ZNF804A: variants seen among roughly 807,000 people sequenced by gnomAD.
ZNF804A encodes the protein zinc finger protein 804A.
ZNF804A carries 2 observed loss-of-function variants against 16.5 expected under a neutral mutation model. The observed-to-expected ratio is 0.12, with a 90% confidence interval of 0.05 to 0.38. ZNF804A has a LOEUF of 0.38. Among genes scored for constraint, ZNF804A ranks in the 10% least tolerant of loss-of-function variants. The probability of loss-of-function intolerance (pLI) is 0.99; values close to 1 mark genes in which losing one functional copy is unlikely to be tolerated. For synonymous variants in ZNF804A, 534 were observed against 489.6 expected (o/e 1.09, Z -1.20); for missense variants, 1,473 against 1,390.7 (o/e 1.06, Z -0.94).
intron 1 of ZNF804A, among the ~76,000 whole-genome samples, chr2:184,800,621 T>A (rs1364748911): frequency 1.3e-5 from 2 of 151,730 alleles, no homozygotes; most frequent in African/African-American, 2.4e-5. Context: ...ACTTTTGTTT[T>A]AGTTTGAAAA....
intron 1 of ZNF804A, among the ~76,000 whole-genome samples, chr2:184,763,864 G>A (rs1259010865): frequency 6.6e-6 from 1 of 151,450 alleles, no homozygotes; most frequent in Non-Finnish European, 1.5e-5. Flanking sequence ...AGATAGCCTC[G>A]ATCTCCTGAC....
At chr2:184,819,350 C>A (rs145514329) in intron 1 of ZNF804A, among the ~76,000 whole-genome samples, 1,551 of 151,980 alleles carry the variant, frequency 0.01, 25 homozygotes, top group African/African-American at 0.036. Flanking sequence ...AGGCAGAAAT[C>A]AAGAAGTTCT....
intron 1 of ZNF804A, among the ~76,000 whole-genome samples, chr2:184,826,831 A>C (rs1253158199): frequency 3.5e-4 from 54 of 152,120 alleles, no homozygotes; most frequent in Non-Finnish European, 1.5e-5. Flanking sequence ...TAACAGCATT[A>C]AAAACAAATT....
chr2:184,705,702 TTCC>T, intron 1 of ZNF804A, among the ~76,000 whole-genome samples: 1 of 152,172 alleles, frequency 6.6e-6, no homozygotes, highest in African/African-American at 2.4e-5. Context: ...GAAAAACAAC[TTCC>T]TTTCACACAT....
intron 1 of ZNF804A, among the ~76,000 whole-genome samples, chr2:184,716,775 G>A (rs1291508529): frequency 6.6e-6 from 1 of 152,100 alleles, no homozygotes; most frequent in Non-Finnish European, 1.5e-5. Context: ...TAGTTGGTTT[G>A]TGTGTGTGTA....
At chr2:184,734,243 C>T (rs1693573745) in intron 1 of ZNF804A, among the ~76,000 whole-genome samples, 1 of 151,932 alleles carries the variant, frequency 6.6e-6, no homozygotes, top group African/African-American at 2.4e-5. Context: ...TTTCTATTTT[C>T]CTAAGGTGGA....
intron 1 of ZNF804A, among the ~76,000 whole-genome samples, chr2:184,604,120 T>TTTCAGG (rs1376373160): frequency 3.4e-5 from 5 of 146,152 alleles, no homozygotes; most frequent in African/African-American, 1.2e-4. Context: ...GCACCAATAG[T>TTTCAGG]TTCAGGTTAT....
At chr2:184,883,547 T>G (rs1033897001) in intron 2 of ZNF804A, among the ~76,000 whole-genome samples, 4 of 151,944 alleles carry the variant, frequency 2.6e-5, no homozygotes, top group African/African-American at 9.7e-5. Flanking sequence ...TCCTTTTGAA[T>G]AGATGCAAAA....
At chr2:184,663,028 C>T (rs1242341348) in intron 1 of ZNF804A, among the ~76,000 whole-genome samples, 1 of 152,178 alleles carries the variant, frequency 6.6e-6, no homozygotes, top group African/African-American at 2.4e-5. Flanking sequence ...GCAGCAGTGG[C>T]CCCTCTGGAG....
intron 1 of ZNF804A, among the ~76,000 whole-genome samples, chr2:184,735,992 T>A (rs1256333431): frequency 6.6e-6 from 1 of 152,194 alleles, no homozygotes; most frequent in Non-Finnish European, 1.5e-5. Flanking sequence ...CAATCTAATA[T>A]GAAATATAAG....
intron 1 of ZNF804A, among the ~76,000 whole-genome samples, chr2:184,636,540 G>A: frequency 1.1e-5 from 1 of 90,420 alleles, no homozygotes; most frequent in South Asian, 4.6e-4. Context: ...TGTGAGATTG[G>A]CTCTAGGGCT....
intron 1 of ZNF804A, among the ~76,000 whole-genome samples, chr2:184,767,451 G>A (rs1349275179): frequency 6.6e-6 from 1 of 152,098 alleles, no homozygotes; most frequent in Non-Finnish European, 1.5e-5. Context: ...GTGGAAGGGG[G>A]AAATGGAGAG....
intron 2 of ZNF804A, among the ~76,000 whole-genome samples, chr2:184,922,412 A>T (rs908762310): frequency 1.3e-5 from 2 of 151,926 alleles, no homozygotes; most frequent in African/African-American, 4.8e-5. Flanking sequence ...GGAAATGTCT[A>T]TTTAGATATT....
intron 1 of ZNF804A, among the ~76,000 whole-genome samples, chr2:184,759,251 T>C (rs151062014): frequency 8.3e-4 from 125 of 151,148 alleles, no homozygotes; most frequent in African/African-American, 2.5e-3. Flanking sequence ...TGTAAAAGAG[T>C]GCATTGTTAA....
chr2:184,755,058 CG>C (rs1357827528), intron 1 of ZNF804A, among the ~76,000 whole-genome samples: 2 of 151,714 alleles, frequency 1.3e-5, no homozygotes, highest in Non-Finnish European at 2.9e-5. Context: ...ATGAGATTTG[CG>C]TGGGGACAAA....
chr2:184,835,154 G>T (rs567156777), intron 1 of ZNF804A, among the ~76,000 whole-genome samples: 1 of 152,106 alleles, frequency 6.6e-6, no homozygotes, highest in African/African-American at 2.4e-5. Flanking sequence ...ATTGGGGTTT[G>T]TACTGGGAAG....
chr2:184,766,206 T>G lies in ZNF804A; in HGVS notation c.112-100163T>G, dbSNP rs192568226. On this transcript the variant is annotated intron_variant, in intron 1 of 3. Transcript: ENST00000302277. ...TGCTAAACACACCAAATTAATTCATTGCTAAATTATTATTTTTATGAATAA... is the reference window on the plus strand; with the variant it reads ...TGCTAAACACACCAAATTAATTCATGGCTAAATTATTATTTTTATGAATAA... 1.4e-3 allele frequency among the ~76,000 whole-genome samples: 219 copies of G among 152,256 alleles called. 1 individual carries two copies. Among genetic ancestry groups the G allele is most frequent in the African/African-American group, 4.8e-3 (198 of 41,576 alleles).
At chr2:184,884,463 A>G (rs781591723) in intron 2 of ZNF804A, among the ~76,000 whole-genome samples, 7 of 152,110 alleles carry the variant, frequency 4.6e-5, no homozygotes, top group South Asian at 4.1e-4. Context: ...TAAAATTCAT[A>G]TGGAGCCAAA....
chr2:184,840,128 C>A (rs1466471892), intron 1 of ZNF804A, among the ~76,000 whole-genome samples: 7 of 152,168 alleles, frequency 4.6e-5, no homozygotes. Flanking sequence ...GTGGTTCACA[C>A]CTGTAATCCC....
Sources: allele counts gnomAD v4.1 joint callset (sites outside exome capture counted in the v4.1 genomes callset), GRCh38; gene constraint gnomAD v4.1.1; transcripts MANE v1.5; gene names NCBI Gene and HGNC (gene_info 2026-07-23, HGNC 2026-07-21).